MTUS2: variants seen among roughly 807,000 people sequenced by gnomAD.
MTUS2 encodes the protein microtubule-associated tumor suppressor candidate 2.
In MTUS2, 40 loss-of-function variants were observed where a neutral mutation model predicts 114.1. That is an observed-to-expected ratio of 0.35 (90% CI 0.27 to 0.46). The LOEUF is 0.46. Ranked by LOEUF, MTUS2 falls within the 20% of genes least tolerant of loss-of-function variation. MTUS2 has a pLI of 1.00. For synonymous variants in MTUS2, 688 were observed against 672.0 expected, an observed-to-expected ratio of 1.02 and a Z score of -0.37; for missense variants, 1,679 against 1,705.4, an observed-to-expected ratio of 0.98 and a Z score of 0.27.
chr13:29,459,697 T>C (rs1879352991), intron 9 of MTUS2, among the ~76,000 whole-genome samples: 1 of 152,216 alleles, frequency 6.6e-6, no homozygotes, highest in African/African-American at 2.4e-5. Flanking sequence ...GAATTTTTTT[T>C]AGCATGCAAA....
chr13:29,222,317 A>C (rs1452012997), intron 5 of MTUS2, among the ~76,000 whole-genome samples: 1 of 151,980 alleles, frequency 6.6e-6, no homozygotes, highest in Non-Finnish European at 1.5e-5. Flanking sequence ...TTTTAGCATA[A>C]ATTTTGAGAT....
At chr13:29,044,490 G>T (rs1333157885) in intron 4 of MTUS2, among the ~76,000 whole-genome samples, 1 of 151,858 alleles carries the variant, frequency 6.6e-6, no homozygotes, top group Non-Finnish European at 1.5e-5. Context: ...TCAAATTTAG[G>T]GTGTTTTGCC....
intron 4 of MTUS2, among the ~76,000 whole-genome samples, chr13:29,086,482 G>GT (rs1172519090): frequency 6.6e-6 from 1 of 152,058 alleles, no homozygotes; most frequent in Non-Finnish European, 1.5e-5. Flanking sequence ...ACTGGTCTGT[G>GT]TGTTTGTTTT....
intron 9 of MTUS2, among the ~76,000 whole-genome samples, chr13:29,466,876 C>CAAAAAAAAAAAAA (rs11296600): frequency 2.1e-4 from 18 of 87,596 alleles, no homozygotes; most frequent in Admixed American, 4.0e-4. Flanking sequence ...GACCTCATCT[C>CAAAAAAAAAAAAA]AAAAAAAAAA....
At chr13:29,406,610 A>G (rs1874772963) in intron 8 of MTUS2, among the ~76,000 whole-genome samples, 1 of 152,192 alleles carries the variant, frequency 6.6e-6, no homozygotes, top group African/African-American at 2.4e-5. Context: ...TCTGCTATAT[A>G]CTACTGGTGA....
chr13:28,900,050 A>C (rs1265442633), intron 2 of MTUS2, among the ~76,000 whole-genome samples: 2 of 151,402 alleles, frequency 1.3e-5, no homozygotes, highest in Admixed American at 1.3e-4. Flanking sequence ...ACCATGCCTG[A>C]CTAATTTTTA....
At chr13:29,348,811 T>C (rs1316914047) in intron 7 of MTUS2, among the ~76,000 whole-genome samples, 1 of 152,218 alleles carries the variant, frequency 6.6e-6, no homozygotes, top group Non-Finnish European at 1.5e-5. Context: ...AACTTCTTTA[T>C]CCCTGGTAAT....
chr13:28,960,079 A>G (rs1279930132), intron 2 of MTUS2, among the ~76,000 whole-genome samples: 2 of 152,262 alleles, frequency 1.3e-5, no homozygotes, highest in Admixed American at 6.5e-5. Context: ...TGTTAGAACT[A>G]TCTGACAAAG....
chr13:29,388,037 C>T (rs569605225), intron 8 of MTUS2, among the ~76,000 whole-genome samples: 34 of 152,194 alleles, frequency 2.2e-4, no homozygotes, highest in Non-Finnish European at 4.3e-4. Flanking sequence ...GCCTGTTTAC[C>T]GCACACCTAT....
chr13:29,381,375 G>A (rs1008269225), intron 8 of MTUS2, among the ~76,000 whole-genome samples: 6 of 152,168 alleles, frequency 3.9e-5, no homozygotes, highest in Non-Finnish European at 7.3e-5. Context: ...AGCATATAGC[G>A]TAGTTACAGT....
chr13:29,187,923 T>G (rs1390545248), intron 5 of MTUS2, among the ~76,000 whole-genome samples: 1 of 152,208 alleles, frequency 6.6e-6, no homozygotes, highest in Non-Finnish European at 1.5e-5. Context: ...TACATTTGCC[T>G]TGTTTCAACA....
intron 5 of MTUS2, among the ~76,000 whole-genome samples, chr13:29,111,849 A>G (rs1446034811): frequency 2.0e-5 from 3 of 152,132 alleles, no homozygotes; most frequent in Admixed American, 2.0e-4. Context: ...ACAGGCAGCA[A>G]TTAGCAGGAG....
At chr13:29,185,052 A>G (rs1330310943) in intron 5 of MTUS2, among the ~76,000 whole-genome samples, 1 of 152,156 alleles carries the variant, frequency 6.6e-6, no homozygotes, top group African/African-American at 2.4e-5. Flanking sequence ...TGCCTCCCTA[A>G]ATATAAAATA....
In MTUS2 at chr13:29,346,726, A is replaced by G. The variant is rs1249979504; in HGVS notation, c.2906-12536A>G. Among the ~76,000 whole-genome samples, 11 of 144,706 alleles carry G rather than the reference A, an allele frequency of 7.6e-5. No individual in the cohort carries two copies. The East Asian group carries it at 2.1e-3, about 28-fold the overall frequency. 94.9% of individuals were successfully genotyped at this position (144,706 alleles called of 152,430 possible). A position where few individuals can be genotyped will look rare whatever the true frequency, so the allele number is the denominator to read the frequency against. On this transcript the variant is annotated intron_variant, in intron 7 of 15. Coordinates refer to ENST00000612955, the MANE Select transcript of MTUS2 (RefSeq NM_001033602.4). The stretch of plus-strand genomic sequence containing the variant: ...CAAATCGTTTCAAAGTTCAGCTGGA[A>G]TTTTCCTTCTCCCTGTGGTCTTTCC...
chr13:28,977,536 T>G (rs1884170230), intron 2 of MTUS2, among the ~76,000 whole-genome samples: 1 of 152,220 alleles, frequency 6.6e-6, no homozygotes, highest in Non-Finnish European at 1.5e-5. Context: ...TTGGTTTTCT[T>G]ATGTGCTTCT....
At chr13:29,126,263 A>G (rs1348277247) in intron 5 of MTUS2, among the ~76,000 whole-genome samples, 2 of 152,126 alleles carry the variant, frequency 1.3e-5, no homozygotes, top group African/African-American at 4.8e-5. Flanking sequence ...CTTCAATCCC[A>G]TGTGAAGAGT....
At chr13:28,882,975 A>G (rs1425759222) in intron 2 of MTUS2, among the ~76,000 whole-genome samples, 1 of 152,220 alleles carries the variant, frequency 6.6e-6, no homozygotes, top group Non-Finnish European at 1.5e-5. Context: ...CAATTTGAAA[A>G]TGGGCAAAGA....
At chr13:29,292,525 A>G (rs1392490458) in intron 6 of MTUS2, among the ~76,000 whole-genome samples, 1 of 152,202 alleles carries the variant, frequency 6.6e-6, no homozygotes, top group Non-Finnish European at 1.5e-5. Flanking sequence ...GTAATCTAGT[A>G]ATTAGAGTGA....
chr13:29,056,593 T>A (rs1490824093), intron 4 of MTUS2, among the ~76,000 whole-genome samples: 1 of 152,100 alleles, frequency 6.6e-6, no homozygotes, highest in African/African-American at 2.4e-5. Context: ...TAGGAATTTA[T>A]CCATTTCATC....
Sources: gnomAD v4.1 joint callset for allele counts (sites outside exome capture counted in the v4.1 genomes callset) on GRCh38, gnomAD v4.1.1 for gene constraint, MANE v1.5 for transcripts, NCBI Gene and HGNC (gene_info 2026-07-23, HGNC 2026-07-21) for gene names.